Variants in NTM observed in about 807,000 individuals in gnomAD.
NTM encodes IgLON family member 2.
NTM carries 13 observed loss-of-function variants against 42.1 expected under a neutral mutation model. The ratio of observed to expected loss-of-function variants is 0.31; its 90% CI spans 0.20 to 0.49. NTM has a LOEUF of 0.49. NTM is among the 20% of genes least tolerant of loss of function. The pLI is 0.99. For synonymous variants in NTM, 187 were observed against 179.2 expected (o/e 1.04, Z -0.35); for missense variants, 373 against 452.8 (o/e 0.82, Z 1.60).
chr11:131,477,229 C>T (rs1466770356), intron 1 of NTM, among the ~76,000 whole-genome samples: 1 of 152,078 alleles, frequency 6.6e-6, no homozygotes, highest in African/African-American at 2.4e-5. Context: ...CTAGTCATAA[C>T]AAATCTCCAT....
In NTM at chr11:132,172,812, A is replaced by G. The variant is rs1461085033; in HGVS notation, c.400+26298A>G. Among the ~76,000 whole-genome samples the G allele has an allele frequency of 2.6e-5, 4 of 152,204 alleles. No homozygotes were observed. In the East Asian group the frequency reaches 7.7e-4, roughly 29 times the overall value. ...CTCTGGACATGATCATTTGTGCTGG[A>G]AAAAGCACAACTTCTGCCCTTTGTT... On this transcript the variant is annotated intron_variant, in intron 3 of 8. Coordinates refer to ENST00000683400, the MANE Select transcript of NTM (RefSeq NM_001352005.2).
intron 1 of NTM, among the ~76,000 whole-genome samples, chr11:131,437,285 A>G (rs964580454): frequency 1.3e-5 from 2 of 152,218 alleles, no homozygotes; most frequent in African/African-American, 4.8e-5. Flanking sequence ...AGAGTTCTGT[A>G]GATGTCTATT....
At chr11:131,927,656 C>T (rs750352038) in intron 2 of NTM, among the ~76,000 whole-genome samples, 2 of 152,082 alleles carry the variant, frequency 1.3e-5, no homozygotes, top group African/African-American at 2.4e-5. Flanking sequence ...CATGGGGTTC[C>T]GTACTTACTA....
intron 2 of NTM, among the ~76,000 whole-genome samples, chr11:132,140,791 C>G (rs756631506): frequency 1.3e-5 from 2 of 152,150 alleles, no homozygotes; most frequent in Non-Finnish European, 2.9e-5. Context: ...ATTTCTGAGC[C>G]ATTTGCGTCG....
At chr11:131,759,617 T>C (rs1359951762) in intron 1 of NTM, among the ~76,000 whole-genome samples, 1 of 152,016 alleles carries the variant, frequency 6.6e-6, no homozygotes. Flanking sequence ...TGTAAGAGGT[T>C]AGAGAGAAGC....
intron 1 of NTM, among the ~76,000 whole-genome samples, chr11:131,661,834 T>C (rs1290300123): frequency 6.6e-6 from 1 of 152,212 alleles, no homozygotes; most frequent in Non-Finnish European, 1.5e-5. Flanking sequence ...CACGTATTTG[T>C]TATTTTCTTT....
At chr11:132,241,999 A>G (rs1416824392) in intron 4 of NTM, among the ~76,000 whole-genome samples, 2 of 152,232 alleles carry the variant, frequency 1.3e-5, no homozygotes, top group East Asian at 3.8e-4. Flanking sequence ...ATATTATGCT[A>G]TCAGATGCAA....
chr11:131,816,373 C>T (rs1436223971), intron 1 of NTM, among the ~76,000 whole-genome samples: 5 of 152,084 alleles, frequency 3.3e-5, no homozygotes, highest in African/African-American at 1.2e-4. Context: ...AGATTACCTA[C>T]CATCGTAGTT....
intron 1 of NTM, among the ~76,000 whole-genome samples, chr11:131,675,013 A>G (rs2071121231): frequency 6.6e-6 from 1 of 151,778 alleles, no homozygotes; most frequent in Non-Finnish European, 1.5e-5. Flanking sequence ...ATATTTGAAG[A>G]CTCTTTTCTT....
intron 1 of NTM, among the ~76,000 whole-genome samples, chr11:131,497,275 G>A (rs906849610): frequency 3.8e-4 from 57 of 151,972 alleles, no homozygotes; most frequent in African/African-American, 1.3e-3. Flanking sequence ...TGCATCCTCT[G>A]CCTCCCAGGT....
At chr11:131,494,299 G>A (rs1417288012) in intron 1 of NTM, among the ~76,000 whole-genome samples, 27 of 152,178 alleles carry the variant, frequency 1.8e-4, no homozygotes, top group Non-Finnish European at 1.5e-5. Flanking sequence ...CAGGAGCTAT[G>A]ATCAGGTTGT....
intron 1 of NTM, among the ~76,000 whole-genome samples, chr11:131,397,381 C>T (rs570130288): frequency 1.9e-4 from 29 of 152,126 alleles, no homozygotes; most frequent in African/African-American, 4.8e-4. Flanking sequence ...AATAGCTTAA[C>T]CTCATTTTAT....
chr11:132,056,205 CT>C (rs1321383802), intron 2 of NTM, among the ~76,000 whole-genome samples: 2 of 152,238 alleles, frequency 1.3e-5, no homozygotes, highest in South Asian at 4.1e-4. Flanking sequence ...CTGTAGTATA[CT>C]TGTATTCCAA....
chr11:132,261,185 T>G (rs2092828406), intron 4 of NTM, among the ~76,000 whole-genome samples: 2 of 152,154 alleles, frequency 1.3e-5, no homozygotes, highest in Non-Finnish European at 2.9e-5. Context: ...AGATAAGAAC[T>G]CTTTGGCCAA....
chr11:131,412,417 A>T (rs935629558), intron 1 of NTM, among the ~76,000 whole-genome samples: 2 of 152,194 alleles, frequency 1.3e-5, no homozygotes, highest in Non-Finnish European at 2.9e-5. Context: ...AAAAGCAAAC[A>T]GTTGTTTATC....
intron 1 of NTM, among the ~76,000 whole-genome samples, chr11:131,651,924 A>C (rs2066546814): frequency 6.6e-6 from 1 of 150,516 alleles, no homozygotes; most frequent in Non-Finnish European, 1.5e-5. Flanking sequence ...AGGTCAGCTC[A>C]TCCGCTGTGC....
intron 1 of NTM, among the ~76,000 whole-genome samples, chr11:131,862,372 G>A (rs2046732790): frequency 6.6e-6 from 1 of 152,014 alleles, no homozygotes; most frequent in Non-Finnish European, 1.5e-5. Context: ...CCTGGTCCCT[G>A]AGGAAGGCTT....
chr11:131,718,987 G>T (rs1275356215), intron 1 of NTM, among the ~76,000 whole-genome samples: 1 of 152,094 alleles, frequency 6.6e-6, no homozygotes, highest in South Asian at 2.1e-4. Context: ...ACTGCTTATA[G>T]CAGCCTCAGC....
At chr11:132,028,551 G>A (rs954517313) in intron 2 of NTM, among the ~76,000 whole-genome samples, 1 of 152,064 alleles carries the variant, frequency 6.6e-6, no homozygotes, top group African/African-American at 2.4e-5. Context: ...CTATGGATGT[G>A]ACCATGGGTG....
Sources: gnomAD v4.1 joint callset for allele counts (sites outside exome capture counted in the v4.1 genomes callset) on GRCh38, gnomAD v4.1.1 for gene constraint, MANE v1.5 for transcripts, NCBI Gene and HGNC (gene_info 2026-07-23, HGNC 2026-07-21) for gene names.